The following CHMP3 variants were observed in gnomAD, a reference collection of about 807,000 sequenced individuals.
CHMP3 encodes the protein 25.1 protein.
In CHMP3, 8 loss-of-function variants were observed where a neutral mutation model predicts 27.4. That is an observed-to-expected ratio of 0.29 (90% CI 0.17 to 0.53). The LOEUF (loss-of-function observed/expected upper bound fraction) is 0.53, where lower values mean the gene tolerates loss of function less well. Ranked by LOEUF, CHMP3 falls within the 20% of genes least tolerant of loss-of-function variation. The pLI is 0.96. For missense variants in CHMP3, 208 were observed against 271.5 expected (o/e 0.77, Z 1.64); for synonymous variants, 86 against 85.5 (o/e 1.01, Z -0.03).
intron 3 of CHMP3, among the ~76,000 whole-genome samples, chr2:86,514,849 A>T (rs1675235611): frequency 6.6e-6 from 1 of 152,308 alleles, no homozygotes; most frequent in Middle Eastern, 3.4e-3. Flanking sequence ...AAAAATGGTT[A>T]AAATGGCAAA....
At chr2:86,556,299 T>C (rs1248288470) in intron 1 of CHMP3, among the ~76,000 whole-genome samples, 1 of 152,150 alleles carries the variant, frequency 6.6e-6, no homozygotes, top group Non-Finnish European at 1.5e-5. Context: ...AAAATATACA[T>C]AAAACTAGAA....
At chr2:86,506,084 T>G (rs1204778556) in intron 5 of CHMP3, 135 bp from the exon 6 acceptor site, 53 of 1,069,882 alleles carry the variant, frequency 5.0e-5, no homozygotes, top group Non-Finnish European at 2.4e-6. Context: ...TTTGGGGGGG[T>G]TTACTCACTC....
In CHMP3 at chr2:86,563,352, G is replaced by A. The variant is rs767527182; in HGVS notation, c.-4C>T. On this transcript the variant is annotated 5_prime_UTR_variant, in exon 1 of 6. Coordinates refer to ENST00000263856, the MANE Select transcript of CHMP3 (RefSeq NM_016079.4). ...GGGTCTTTCCAAACAGCCCCATGAC[G>A]AACTGAACCCGTCTTGCCCCTTCCG... is the stretch of plus-strand genomic sequence containing the variant. The A allele has an allele frequency of 1.2e-6, 2 of 1,613,926 alleles. No homozygotes were observed. The highest frequency in any genetic ancestry group is 2.2e-5 in the East Asian group (1 of 44,884).
chr2:86,534,831 C>A (rs1049155745), intron 2 of CHMP3, among the ~76,000 whole-genome samples: 1 of 152,076 alleles, frequency 6.6e-6, no homozygotes, highest in Admixed American at 6.5e-5. Context: ...CTTTTGCTTC[C>A]AATCTATTTG....
At chr2:86,513,400 C>G (rs1309596200) in intron 3 of CHMP3, among the ~76,000 whole-genome samples, 2 of 152,152 alleles carry the variant, frequency 1.3e-5, no homozygotes, top group African/African-American at 4.8e-5. Context: ...GGCAGTGAAA[C>G]TATTTTGTAT....
intron 3 of CHMP3, among the ~76,000 whole-genome samples, chr2:86,514,068 T>A (rs774487124): frequency 2.6e-5 from 4 of 152,242 alleles, no homozygotes; most frequent in Non-Finnish European, 5.9e-5. Context: ...TATAAATATA[T>A]CTTAAGAATG....
At chr2:86,510,702 C>G (rs1465815348) in intron 3 of CHMP3, 2 of 523,670 alleles carry the variant, frequency 3.8e-6, no homozygotes, top group Non-Finnish European at 6.4e-6. Context: ...GCATGCACAC[C>G]ACATGACCAA....
chr2:86,550,500 A>T (rs1214736823), intron 1 of CHMP3, among the ~76,000 whole-genome samples: 1 of 152,066 alleles, frequency 6.6e-6, no homozygotes, highest in African/African-American at 2.4e-5. Flanking sequence ...AATAACCACT[A>T]AAAGGAAAAG....
chr2:86,551,732 T>A (rs1350345318), intron 1 of CHMP3, among the ~76,000 whole-genome samples: 1 of 152,256 alleles, frequency 6.6e-6, no homozygotes, highest in East Asian at 1.9e-4. Flanking sequence ...ATTTTGCAAT[T>A]TCTCACTGCC....
chr2:86,510,895 CT>C (rs1675082059), intron 3 of CHMP3: 1 of 178,080 alleles, frequency 5.6e-6, no homozygotes, highest in Non-Finnish European at 1.2e-5. Context: ...TGGACAGTAT[CT>C]GTTCAGTATG....
chr2:86,525,511 C>T (rs1675667838), intron 3 of CHMP3, among the ~76,000 whole-genome samples: 1 of 149,106 alleles, frequency 6.7e-6, no homozygotes, highest in African/African-American at 2.5e-5. Flanking sequence ...CCAGCCTGGG[C>T]GACAGTGCGA....
At chr2:86,543,875 C>T (rs1488044127) in intron 1 of CHMP3, among the ~76,000 whole-genome samples, 8 of 152,176 alleles carry the variant, frequency 5.3e-5, no homozygotes, top group Non-Finnish European at 1.2e-4. Flanking sequence ...ATATAATTAA[C>T]CATTTTAAAG....
chr2:86,563,161 C>G, intron 1 of CHMP3, 143 bp downstream of exon 1: 1 of 953,884 alleles, frequency 1.0e-6, no homozygotes, highest in Non-Finnish European at 1.6e-6. Context: ...CTTCCTCCGG[C>G]CCCCCTGTCG....
intron 1 of CHMP3, among the ~76,000 whole-genome samples, chr2:86,558,151 C>T (rs558353810): frequency 6.6e-6 from 1 of 152,312 alleles, no homozygotes; most frequent in South Asian, 2.1e-4. Context: ...ATTTTCCCAG[C>T]AGAACCTCAA....
intron 2 of CHMP3, among the ~76,000 whole-genome samples, chr2:86,539,660 CA>C (rs1318383147): frequency 1.3e-5 from 2 of 152,036 alleles, no homozygotes; most frequent in East Asian, 1.9e-4. Context: ...TGACACTGAT[CA>C]ATTATTATCA....
intron 1 of CHMP3, among the ~76,000 whole-genome samples, 171 bp from the exon 2 acceptor site, chr2:86,542,483 T>C (rs1411728720): frequency 6.6e-6 from 1 of 152,218 alleles, no homozygotes; most frequent in African/African-American, 2.4e-5. Flanking sequence ...TTCACCTCTT[T>C]TTATTCACAG....
chr2:86,528,256 T>C (rs1675790852), intron 3 of CHMP3, among the ~76,000 whole-genome samples: 2 of 152,210 alleles, frequency 1.3e-5, no homozygotes, highest in Admixed American at 6.5e-5. Context: ...CTAACTTCTT[T>C]TGAGTGTGAT....
intron 1 of CHMP3, among the ~76,000 whole-genome samples, chr2:86,544,804 T>C (rs1331584487): frequency 6.6e-6 from 1 of 152,200 alleles, no homozygotes; most frequent in Non-Finnish European, 1.5e-5. Context: ...CTTTTCTTTT[T>C]GACAAAACTG....
At chr2:86,556,119 A>C (rs868732469) in intron 1 of CHMP3, among the ~76,000 whole-genome samples, 33 of 152,362 alleles carry the variant, frequency 2.2e-4, no homozygotes, top group Middle Eastern at 3.4e-3. Context: ...TACTGACTCC[A>C]GAAAACATTT....
Sources: allele counts gnomAD v4.1 joint callset (sites outside exome capture counted in the v4.1 genomes callset), GRCh38; gene constraint gnomAD v4.1.1; transcripts MANE v1.5; gene names NCBI Gene and HGNC (gene_info 2026-07-23, HGNC 2026-07-21).